FRMD5: variants seen among roughly 807,000 people sequenced by gnomAD.
The protein encoded by FRMD5 is FERM domain containing 5.
In FRMD5, 20 loss-of-function variants were observed where a neutral mutation model predicts 69.0. That is an observed-to-expected ratio of 0.29 (90% CI 0.20 to 0.42). The LOEUF is 0.42. FRMD5 is among the 10% of genes least tolerant of loss of function. The pLI is 1.00. For missense variants in FRMD5, 595 were observed against 708.6 expected (o/e 0.84, Z 1.82); for synonymous variants, 271 against 260.1 (o/e 1.04, Z -0.40).
chr15:43,880,809 A>G (rs1042405854), intron 13 of FRMD5, among the ~76,000 whole-genome samples: 2 of 152,198 alleles, frequency 1.3e-5, no homozygotes, highest in Non-Finnish European at 2.9e-5. Context: ...TAGGGGGCCT[A>G]TACTCCTCAG....
At chr15:44,193,761 A>T (rs2078234043) in intron 1 of FRMD5, among the ~76,000 whole-genome samples, 1 of 152,204 alleles carries the variant, frequency 6.6e-6, no homozygotes, top group Non-Finnish European at 1.5e-5. Flanking sequence ...CTGCTCTCAT[A>T]CACTACCCAG....
At chr15:44,051,170 G>C (rs1380180959) in intron 1 of FRMD5, among the ~76,000 whole-genome samples, 1 of 4,326 alleles carries the variant, frequency 2.3e-4, no homozygotes, top group African/African-American at 6.0e-4. Context: ...TTTTTTTTTT[G>C]AGATGGAGTC....
At chr15:44,034,885 A>G (rs1891840774) in intron 1 of FRMD5, among the ~76,000 whole-genome samples, 2 of 152,152 alleles carry the variant, frequency 1.3e-5, no homozygotes, top group African/African-American at 4.8e-5. Flanking sequence ...CCCTCTACCC[A>G]GGTTAGAGAT....
chr15:43,924,361 C>CTT (rs5812256), intron 1 of FRMD5, 52 bp from the exon 2 acceptor site: 13,059 of 1,073,568 alleles, frequency 0.012, 1 homozygote, highest in African/African-American at 0.023. Flanking sequence ...TTCAGTGTAA[C>CTT]TTTTTTTTTT....
Position 43,873,811 on chromosome 15 carries a change from G to T in FRMD5, c.*74C>A. 2 of 1,578,148 alleles carry T rather than the reference G, an allele frequency of 1.3e-6. No homozygotes were observed. The highest frequency in any genetic ancestry group is 2.3e-5 in the East Asian group (1 of 43,302). ...GTATATGTGCCGATGGTTCCGCGAT[G>T]GGTCCCATTGCTGGGAATGGGTAGC... On this transcript the variant is annotated 3_prime_UTR_variant, in exon 14 of 14. Transcript: ENST00000417257.
chr15:44,094,243 A>G (rs2076518694), intron 1 of FRMD5, among the ~76,000 whole-genome samples: 1 of 152,216 alleles, frequency 6.6e-6, no homozygotes. Flanking sequence ...TCTTGTCTGT[A>G]TATAGATAAG....
intron 1 of FRMD5, among the ~76,000 whole-genome samples, chr15:44,076,012 G>A (rs1893745877): frequency 6.6e-6 from 1 of 151,830 alleles, no homozygotes; most frequent in African/African-American, 2.4e-5. Context: ...TGATGGGGTT[G>A]TTTGTTTTTT....
chr15:44,083,537 A>G (rs1005026050), intron 1 of FRMD5, among the ~76,000 whole-genome samples: 2 of 151,998 alleles, frequency 1.3e-5, no homozygotes, highest in Admixed American at 6.6e-5. Flanking sequence ...CCGAGCTTCA[A>G]CTGAACCCAG....
chr15:44,066,561 G>A lies in FRMD5; in HGVS notation c.102+128392C>T, dbSNP rs75585607. On this transcript the variant is annotated intron_variant, in intron 1 of 13. Transcript: ENST00000417257. ...AAACTAGTGGCAAGGGGGTGTTCAC[G>A]GAAAAATGAGTTGTTCAGATCTATC... is the stretch of plus-strand genomic sequence containing the variant. Among the ~76,000 whole-genome samples the A allele has an allele frequency of 4.8e-3, 725 of 152,252 alleles. 12 individuals are homozygous for A. Among genetic ancestry groups the A allele is most frequent in the African/African-American group, 0.017 (690 of 41,546 alleles).
At chr15:43,902,361 T>C (rs2089067148) in intron 6 of FRMD5, 99 bp from the exon 7 acceptor site, 1 of 974,010 alleles carries the variant, frequency 1.0e-6, no homozygotes, top group Non-Finnish European at 1.6e-6. Context: ...GAGCCACACA[T>C]CTCAGTTTGT....
At chr15:44,108,370 C>A (rs192629540) in intron 1 of FRMD5, among the ~76,000 whole-genome samples, 5 of 152,128 alleles carry the variant, frequency 3.3e-5, no homozygotes, top group Non-Finnish European at 7.3e-5. Flanking sequence ...TAAGGCCAGG[C>A]GCGGTGGCTC....
In FRMD5 at chr15:43,877,989, T is replaced by C. The variant is rs541730645; in HGVS notation, c.1136-3527A>G. On this transcript the variant is annotated intron_variant, in intron 13 of 13. Coordinates refer to ENST00000417257, the MANE Select transcript of FRMD5 (RefSeq NM_032892.5). Reference sequence around the variant, plus strand: ...CTCCAATGTTTTCTTCAGCATCATTTTGTTATAATTTTTTTAAAGTTCTTT... The same window carrying C: ...CTCCAATGTTTTCTTCAGCATCATTCTGTTATAATTTTTTTAAAGTTCTTT... Among the ~76,000 whole-genome samples the C allele has an allele frequency of 6.6e-5, 10 of 152,298 alleles. No homozygotes were observed. The South Asian group carries it at 2.1e-3, about 32-fold the overall frequency.
intron 1 of FRMD5, among the ~76,000 whole-genome samples, chr15:43,955,813 ATT>A (rs769415364): frequency 6.8e-6 from 1 of 146,328 alleles, no homozygotes; most frequent in Non-Finnish European, 1.5e-5. Context: ...CACTTCAGAG[ATT>A]TTTTTTTTTT....
At chr15:44,070,441 A>G (rs1893493102) in intron 1 of FRMD5, among the ~76,000 whole-genome samples, 1 of 152,202 alleles carries the variant, frequency 6.6e-6, no homozygotes, top group Non-Finnish European at 1.5e-5. Flanking sequence ...ACAAATCACA[A>G]AAGAATGGAT....
At chr15:44,031,038 G>C (rs1407451763) in intron 1 of FRMD5, among the ~76,000 whole-genome samples, 1 of 151,940 alleles carries the variant, frequency 6.6e-6, no homozygotes, top group Non-Finnish European at 1.5e-5. Flanking sequence ...GGGTCTCCTA[G>C]TCAAAAGCTC....
chr15:44,071,766 T>C (rs1893549639), intron 1 of FRMD5, among the ~76,000 whole-genome samples: 1 of 152,238 alleles, frequency 6.6e-6, no homozygotes, highest in Non-Finnish European at 1.5e-5. Context: ...TTCATTGCAT[T>C]AGTCAAAGTA....
In FRMD5 at chr15:44,007,637, ATTTTTTTTTTTT is replaced by A. The variant is rs35512441; in HGVS notation, c.103-83340_103-83329del. Among the ~76,000 whole-genome samples, 6 of 81,144 alleles carry A rather than the reference ATTTTTTTTTTTT, an allele frequency of 7.4e-5. No individual in the cohort carries two copies. In the Admixed American group the frequency reaches 1.2e-3, roughly 16 times the overall value. 53.2% of individuals were successfully genotyped at this position (81,144 alleles called of 152,430 possible). ...TCTAATTTTTTTAATTAATTAACTA[ATTTTTTTTTTTT>A]TTTTTTTTTTTTTGAGACAGAGTTT... On this transcript the variant is annotated intron_variant, in intron 1 of 13. Coordinates refer to ENST00000417257, the MANE Select transcript of FRMD5 (RefSeq NM_032892.5).
At chr15:44,171,043 T>C (rs1425301018) in intron 1 of FRMD5, among the ~76,000 whole-genome samples, 1 of 152,192 alleles carries the variant, frequency 6.6e-6, no homozygotes, top group Non-Finnish European at 1.5e-5. Context: ...ACATAACCAT[T>C]AAAATCTAAA....
chr15:44,065,582 G>A (rs1481962995), intron 1 of FRMD5, among the ~76,000 whole-genome samples: 2 of 152,108 alleles, frequency 1.3e-5, no homozygotes, highest in African/African-American at 4.8e-5. Flanking sequence ...GACTTAGACA[G>A]TTTAATATAA....
Sources: allele counts gnomAD v4.1 joint callset (sites outside exome capture counted in the v4.1 genomes callset), GRCh38; gene constraint gnomAD v4.1.1; transcripts MANE v1.5; gene names NCBI Gene and HGNC (gene_info 2026-07-23, HGNC 2026-07-21).